The following CPA6 variants were observed in gnomAD, a reference collection of about 807,000 sequenced individuals.
CPA6 encodes carboxypeptidase B.
A neutral mutation model predicts 63.3 loss-of-function variants in CPA6; 58 were observed. The observed-to-expected ratio is 0.92, with a 90% CI of 0.74 to 1.14. The LOEUF is 1.14. Ranked by LOEUF, CPA6 falls within the 50% of genes most tolerant of loss-of-function variation. The probability of loss-of-function intolerance (pLI) is 0.00; values close to 1 mark genes in which losing one functional copy is unlikely to be tolerated. For synonymous variants in CPA6, 185 were observed against 179.0 expected (o/e 1.03, Z -0.27); for missense variants, 565 against 526.6 (o/e 1.07, Z -0.71).
At chr8:67,472,375 T>TTTTTATTTTATTTTATTTTA (rs1042918150) in intron 8 of CPA6, among the ~76,000 whole-genome samples, 8 of 68,890 alleles carry the variant, frequency 1.2e-4, no homozygotes, top group African/African-American at 3.6e-4. Context: ...AAGATTTATT[T>TTTTTATTTTATTTTATTTTA]TTTTATTTTA....
intron 1 of CPA6, among the ~76,000 whole-genome samples, chr8:67,697,436 CT>C (rs1438176840): frequency 2.0e-5 from 3 of 152,220 alleles, no homozygotes; most frequent in African/African-American, 4.8e-5. Flanking sequence ...GGCCATCTGA[CT>C]TCTTTAAGCT....
intron 3 of CPA6, among the ~76,000 whole-genome samples, chr8:67,514,147 C>T (rs542808218): frequency 1.4e-4 from 21 of 151,908 alleles, no homozygotes; most frequent in Admixed American, 9.8e-4. Flanking sequence ...TAGTAGAGAC[C>T]GGGTTTCACC....
At chr8:67,426,839 G>A (rs1453236001) in intron 10 of CPA6, among the ~76,000 whole-genome samples, 1 of 152,160 alleles carries the variant, frequency 6.6e-6, no homozygotes, top group African/African-American at 2.4e-5. Flanking sequence ...AAATTTTAGA[G>A]TTTAAAAGGC....
chr8:67,572,723 C>T (rs1813516722), intron 2 of CPA6, among the ~76,000 whole-genome samples: 1 of 152,210 alleles, frequency 6.6e-6, no homozygotes, highest in Non-Finnish European at 1.5e-5. Context: ...AAAACTAATA[C>T]TAATTCTCTA....
chr8:67,441,819 G>A (rs1407569985), intron 8 of CPA6, among the ~76,000 whole-genome samples: 1 of 152,054 alleles, frequency 6.6e-6, no homozygotes, highest in Non-Finnish European at 1.5e-5. Flanking sequence ...AAAATATAAA[G>A]GTTTGGTTGT....
intron 8 of CPA6, among the ~76,000 whole-genome samples, chr8:67,466,036 CTCT>C (rs781272719): frequency 3.3e-4 from 49 of 148,786 alleles, no homozygotes; most frequent in Non-Finnish European, 6.8e-4. Flanking sequence ...TTGGTACCAG[CTCT>C]TCTTCTGGCA....
chr8:67,561,902 C>T (rs2128974624), intron 2 of CPA6, among the ~76,000 whole-genome samples: 1 of 152,280 alleles, frequency 6.6e-6, no homozygotes, highest in South Asian at 2.1e-4. Flanking sequence ...AAAAGGTATG[C>T]TTTCCATTTA....
At chr8:67,601,530 C>T (rs1049987345) in intron 2 of CPA6, among the ~76,000 whole-genome samples, 1 of 152,114 alleles carries the variant, frequency 6.6e-6, no homozygotes, top group African/African-American at 2.4e-5. Flanking sequence ...GGAAATGATC[C>T]ATACTTTTAA....
At chr8:67,592,121 C>T (rs1814144979) in intron 2 of CPA6, among the ~76,000 whole-genome samples, 2 of 152,094 alleles carry the variant, frequency 1.3e-5, no homozygotes, top group African/African-American at 4.8e-5. Context: ...TGTCAAAGGC[C>T]TTTTCTGCAT....
At chr8:67,504,302 T>C (rs1363019163) in intron 6 of CPA6, among the ~76,000 whole-genome samples, 1 of 152,202 alleles carries the variant, frequency 6.6e-6, no homozygotes. Flanking sequence ...GTAGGCAGAC[T>C]TTAATGTGAT....
chr8:67,556,314 G>A, intron 2 of CPA6, among the ~76,000 whole-genome samples: 1 of 152,270 alleles, frequency 6.6e-6, no homozygotes, highest in East Asian at 1.9e-4. Context: ...TTGAGGAGGG[G>A]AGAGGAAGGA....
chr8:67,426,259 G>A (rs1054042663), intron 10 of CPA6, among the ~76,000 whole-genome samples: 4 of 152,144 alleles, frequency 2.6e-5, no homozygotes, highest in African/African-American at 7.2e-5. Flanking sequence ...GTGAGCCGCC[G>A]CATCCGGCCA....
intron 6 of CPA6, among the ~76,000 whole-genome samples, chr8:67,503,061 T>C (rs574690953): frequency 1.3e-5 from 2 of 152,256 alleles, no homozygotes; most frequent in East Asian, 3.9e-4. Flanking sequence ...ATTTTTGAGA[T>C]GGAGTCTCGC....
At chr8:67,523,493 C>T (rs1167104074) in intron 2 of CPA6, among the ~76,000 whole-genome samples, 2 of 152,188 alleles carry the variant, frequency 1.3e-5, no homozygotes, top group Non-Finnish European at 2.9e-5. Flanking sequence ...GGTGCCGCTG[C>T]ACTCCAGCCT....
At chr8:67,603,100 A>G (rs1814539034) in intron 2 of CPA6, among the ~76,000 whole-genome samples, 2 of 152,184 alleles carry the variant, frequency 1.3e-5, no homozygotes, top group Admixed American at 1.3e-4. Context: ...CCTATTTTTG[A>G]GGTTCAATCT....
intron 2 of CPA6, among the ~76,000 whole-genome samples, chr8:67,538,648 T>C (rs1052023072): frequency 6.6e-6 from 1 of 151,736 alleles, no homozygotes; most frequent in Non-Finnish European, 1.5e-5. Context: ...TGAGTCTTTA[T>C]CCAATTTGTC....
rs963698513 is a variant in CPA6, at chr8:67,549,570, G to A, written c.193-31523C>T. ...CTAACTATAGGCCCTATGCTATATG[G>A]TAGATCCCTAGGACTTATTTATCAT... is the stretch of plus-strand genomic sequence containing the variant. On this transcript the variant is annotated intron_variant, in intron 2 of 10. Transcript: ENST00000297770. 9.9e-5 allele frequency among the ~76,000 whole-genome samples: 15 copies of A among 152,112 alleles called. 1 individual carries two copies. The highest frequency in any genetic ancestry group is 9.8e-4 in the Admixed American group (15 of 15,266).
At chr8:67,723,744 G>C (rs908413621) in intron 1 of CPA6, among the ~76,000 whole-genome samples, 5 of 151,824 alleles carry the variant, frequency 3.3e-5, no homozygotes, top group Admixed American at 3.3e-4. Flanking sequence ...TCCTTATACT[G>C]TGTACAAAAA....
chr8:67,618,701 G>T (rs745774611), intron 2 of CPA6, among the ~76,000 whole-genome samples: 9 of 152,196 alleles, frequency 5.9e-5, no homozygotes, highest in Non-Finnish European at 1.3e-4. Flanking sequence ...ATTGGAAACA[G>T]AAATACCATT....
Sources: gnomAD v4.1 joint callset for allele counts (sites outside exome capture counted in the v4.1 genomes callset) on GRCh38, gnomAD v4.1.1 for gene constraint, MANE v1.5 for transcripts, NCBI Gene and HGNC (gene_info 2026-07-23, HGNC 2026-07-21) for gene names.